Variants in FAF1 observed in about 807,000 individuals in gnomAD.
The protein encoded by FAF1 is Fas associated factor 1.
In FAF1, 25 loss-of-function variants were observed where a neutral mutation model predicts 92.5. The ratio of observed to expected loss-of-function variants is 0.27; its 90% CI spans 0.20 to 0.38. FAF1 has a LOEUF of 0.38. Ranked by LOEUF, FAF1 falls within the 10% of genes least tolerant of loss-of-function variation. FAF1 has a pLI of 1.00. For missense variants in FAF1, 636 were observed against 793.3 expected, an observed-to-expected ratio of 0.80 and a Z score of 2.38; for synonymous variants, 234 against 273.2, an observed-to-expected ratio of 0.86 and a Z score of 1.42.
chr1:50,685,276 T>C (rs1236875717), intron 7 of FAF1, among the ~76,000 whole-genome samples: 1 of 152,162 alleles, frequency 6.6e-6, no homozygotes, highest in African/African-American at 2.4e-5. Flanking sequence ...TATTCTAGAG[T>C]TAATAAAGTT....
At chr1:50,765,337 T>A (rs1660524426) in intron 4 of FAF1, among the ~76,000 whole-genome samples, 1 of 152,228 alleles carries the variant, frequency 6.6e-6, no homozygotes, top group Admixed American at 6.5e-5. Context: ...CTTCAGAGTC[T>A]CAAATTTTAA....
chr1:50,833,245 T>G (rs142299114), intron 2 of FAF1, among the ~76,000 whole-genome samples: 3 of 152,206 alleles, frequency 2.0e-5, no homozygotes, highest in Admixed American at 6.5e-5. Context: ...GGCTACAAAT[T>G]TGAAGTCTCC....
At position 50,622,468 on chromosome 1, in the gene FAF1, G is replaced by C. The variant is rs546760604; in HGVS notation, c.745-26252C>G. Reference sequence around the variant, plus strand: ...CCAAATTATGCTGACTTGATGATTTGGTCTCTCTCGGTAGAAGTGGCACTT... The same window carrying C: ...CCAAATTATGCTGACTTGATGATTTCGTCTCTCTCGGTAGAAGTGGCACTT... On this transcript the variant is annotated intron_variant, in intron 8 of 18. Coordinates refer to ENST00000396153, the MANE Select transcript of FAF1 (RefSeq NM_007051.3). Among the ~76,000 whole-genome samples the C allele has an allele frequency of 5.4e-4, 82 of 152,088 alleles. 1 individual carries two copies. The highest frequency in any genetic ancestry group is 2.0e-3 in the African/African-American group (81 of 41,474).
chr1:50,779,130 G>A (rs1220008677), intron 4 of FAF1, among the ~76,000 whole-genome samples: 1 of 152,094 alleles, frequency 6.6e-6, no homozygotes, highest in Non-Finnish European at 1.5e-5. Flanking sequence ...CAAGTTTTAT[G>A]AGACTGCAGC....
At chr1:50,914,626 C>A (rs182192655) in intron 1 of FAF1, among the ~76,000 whole-genome samples, 1 of 152,128 alleles carries the variant, frequency 6.6e-6, no homozygotes, top group Non-Finnish European at 1.5e-5. Flanking sequence ...TCAATCACTG[C>A]GCATTTAATT....
At position 50,675,359 on chromosome 1, in the gene FAF1, T is replaced by A. The variant is rs185973934; in HGVS notation, c.658-19831A>T. 1.1e-4 allele frequency among the ~76,000 whole-genome samples: 16 copies of A among 152,302 alleles called. No homozygotes were observed. In the East Asian group the frequency reaches 2.9e-3, roughly 27 times the overall value. On this transcript the variant is annotated intron_variant, in intron 7 of 18. Coordinates refer to ENST00000396153, the MANE Select transcript of FAF1 (RefSeq NM_007051.3). ...AATGCAAATTTCAAGAGCCGCCCAG[T>A]AAGTAACACAAATGAATGAAATGTG...
At chr1:50,839,938 G>A (rs1267087795) in intron 2 of FAF1, among the ~76,000 whole-genome samples, 1 of 151,940 alleles carries the variant, frequency 6.6e-6, no homozygotes, top group Non-Finnish European at 1.5e-5. Context: ...CAAAGCCATA[G>A]CATAATATCT....
intron 6 of FAF1, among the ~76,000 whole-genome samples, chr1:50,721,289 G>A (rs1311698587): frequency 2.6e-5 from 4 of 151,634 alleles, no homozygotes; most frequent in Non-Finnish European, 5.9e-5. Flanking sequence ...ATCTCTGCTC[G>A]CTGCAACCTC....
Position 50,819,740 on chromosome 1 carries a change from C to CATATATATATACGT in FAF1, c.115-18064_115-18063insACGTATATATATAT, listed in dbSNP as rs1644020990. Among the ~76,000 whole-genome samples the CATATATATATACGT allele has an allele frequency of 2.9e-4, 8 of 28,036 alleles. 3 individuals carry two copies. Among genetic ancestry groups the CATATATATATACGT allele is most frequent in the Non-Finnish European group, 3.9e-4 (6 of 15,530 alleles). The allele number at this position is 28,036 out of a possible 152,430, so 18.4% of individuals were successfully genotyped here. A position where few individuals can be genotyped will look rare whatever the true frequency, so the allele number is the denominator to read the frequency against. ...ACGTATATATATATACATATATATACATATATATATACATATATATATACG... is the reference window on the plus strand; with the variant it reads ...ACGTATATATATATACATATATATACATATATATATACGTATATATATATACATATATATATACG... On this transcript the variant is annotated intron_variant, in intron 2 of 18. Transcript: ENST00000396153.
chr1:50,842,873 A>G (rs1644267050), intron 2 of FAF1, among the ~76,000 whole-genome samples: 1 of 152,206 alleles, frequency 6.6e-6, no homozygotes, highest in Non-Finnish European at 1.5e-5. Context: ...TTACTTCTGC[A>G]GATTATCTGA....
At position 50,760,124 on chromosome 1, in the gene FAF1, CAAG is replaced by C. The variant is rs552739635; in HGVS notation, c.368-15352_368-15350del. On this transcript the variant is annotated intron_variant, in intron 4 of 18. Transcript: ENST00000396153. ...CATACTGGTAAAGGGATCAATTCAA[CAAG>C]AAGAGCTAACTATCCTAAATATATA... Among the ~76,000 whole-genome samples the C allele has an allele frequency of 2.4e-3, 361 of 152,172 alleles. 4 individuals are homozygous for C. Among genetic ancestry groups the C allele is most frequent in the African/African-American group, 8.5e-3 (354 of 41,504 alleles).
intron 1 of FAF1, among the ~76,000 whole-genome samples, chr1:50,926,794 A>C (rs992849957): frequency 6.6e-6 from 1 of 152,220 alleles, no homozygotes; most frequent in Non-Finnish European, 1.5e-5. Context: ...TAAGGAAGCA[A>C]GGAGTCAAGA....
At chr1:50,805,558 C>G (rs1021191929) in intron 2 of FAF1, among the ~76,000 whole-genome samples, 1 of 152,112 alleles carries the variant, frequency 6.6e-6, no homozygotes, top group Non-Finnish European at 1.5e-5. Context: ...TTCTATAAAT[C>G]TCATTGTAAC....
At chr1:50,789,091 T>G (rs1661471731) in intron 3 of FAF1, among the ~76,000 whole-genome samples, 1 of 152,120 alleles carries the variant, frequency 6.6e-6, no homozygotes, top group South Asian at 2.1e-4. Context: ...CACTTCTGAC[T>G]CCCAAAGTGC....
intron 8 of FAF1, among the ~76,000 whole-genome samples, chr1:50,637,710 T>TGTGTGTGTGTGTGC (rs1453321407): frequency 6.6e-5 from 10 of 150,956 alleles, no homozygotes; most frequent in African/African-American, 2.2e-4. Flanking sequence ...TGTGTGTGTG[T>TGTGTGTGTGTGTGC]GTGCGTGTGC....
intron 8 of FAF1, among the ~76,000 whole-genome samples, chr1:50,600,420 T>C (rs1652043148): frequency 6.6e-6 from 1 of 152,176 alleles, no homozygotes; most frequent in African/African-American, 2.4e-5. Context: ...TGTATCTTAC[T>C]GTGACAAAGT....
intron 1 of FAF1, among the ~76,000 whole-genome samples, chr1:50,928,478 CT>C (rs1645022985): frequency 6.6e-6 from 1 of 152,050 alleles, no homozygotes; most frequent in African/African-American, 2.4e-5. Flanking sequence ...AATAGGTGTT[CT>C]GTATTTAAAA....
chr1:50,713,664 C>T (rs1212793851), intron 6 of FAF1, among the ~76,000 whole-genome samples: 2 of 152,058 alleles, frequency 1.3e-5, no homozygotes, highest in African/African-American at 2.4e-5. Context: ...CAAGGTTTTG[C>T]TATGTTGACC....
In FAF1 at chr1:50,490,715, A is replaced by G. The variant is rs140878407; in HGVS notation, c.1576-50T>C. 5.6e-5 allele frequency: 61 copies of G among 1,088,572 alleles called. No individual in the cohort carries two copies. The East Asian group carries it at 1.4e-3, about 24-fold the overall frequency. The allele number at this position is 1,088,572 out of a possible 1,614,324, so 67.4% of individuals were successfully genotyped here. On this transcript the variant is annotated intron_variant, in intron 16 of 18. Transcript: ENST00000396153. ...AAGCACTTAACACATACTTGTTTACAAAGAAAGAGAGAAATAAGGAAAGAG... is the reference window on the plus strand; with the variant it reads ...AAGCACTTAACACATACTTGTTTACGAAGAAAGAGAGAAATAAGGAAAGAG...
Sources: gnomAD v4.1 joint callset for allele counts (sites outside exome capture counted in the v4.1 genomes callset) on GRCh38, gnomAD v4.1.1 for gene constraint, MANE v1.5 for transcripts, NCBI Gene and HGNC (gene_info 2026-07-23, HGNC 2026-07-21) for gene names.